Variants in DLGAP4 observed in about 807,000 individuals in gnomAD.
DLGAP4 encodes disks large-associated protein 4.
DLGAP4 carries 18 observed loss-of-function variants against 86.9 expected under a neutral mutation model. That is an observed-to-expected ratio of 0.21 (90% CI 0.14 to 0.31). The LOEUF is 0.31. Among genes scored for constraint, DLGAP4 ranks in the 10% least tolerant of loss-of-function variants. The pLI, the probability that DLGAP4 is intolerant of heterozygous loss-of-function variation, is 1.00. For synonymous variants in DLGAP4, 548 were observed against 574.3 expected (o/e 0.95, Z 0.65); for missense variants, 1,085 against 1,362.6 (o/e 0.80, Z 3.21).
In DLGAP4 at chr20:36,462,134, C is replaced by T. The variant is rs535774817; in HGVS notation, c.1648+15197C>T. 24 of 1,013,736 alleles carry T rather than the reference C, an allele frequency of 2.4e-5. No individual in the cohort carries two copies. In the East Asian group the frequency reaches 1.8e-3, roughly 75 times the overall value. 62.8% of individuals were successfully genotyped at this position (1,013,736 alleles called of 1,614,324 possible). A position where few individuals can be genotyped will look rare whatever the true frequency, so the allele number is the denominator to read the frequency against. On this transcript the variant is annotated intron_variant, in intron 7 of 12. Coordinates refer to ENST00000339266, the MANE Select transcript of DLGAP4 (RefSeq NM_001365621.2). ...GAACCCCCATTGCCCCTGGGCTTTCCCTCTTCTGGGTGTTCCCCATATCCA... is the reference window on the plus strand; with the variant it reads ...GAACCCCCATTGCCCCTGGGCTTTCTCTCTTCTGGGTGTTCCCCATATCCA...
chr20:36,318,106 T>TCACACACACA (rs1156543199), intron 1 of DLGAP4, among the ~76,000 whole-genome samples: 65 of 139,224 alleles, frequency 4.7e-4, no homozygotes, highest in African/African-American at 1.6e-3. Flanking sequence ...ATGTGTCCTC[T>TCACACACACA]CACACACACA....
intron 10 of DLGAP4, among the ~76,000 whole-genome samples, chr20:36,504,984 CA>C (rs1368216875): frequency 6.6e-6 from 1 of 151,046 alleles, no homozygotes; most frequent in African/African-American, 2.4e-5. Flanking sequence ...TTGATGCACA[CA>C]GGTTCTTTTT....
Position 36,351,395 on chromosome 20 carries a change from A to G in DLGAP4, c.-303-15650A>G, listed in dbSNP as rs76259743. 2.6e-4 allele frequency among the ~76,000 whole-genome samples: 40 copies of G among 152,118 alleles called. No individual in the cohort carries two copies. In the East Asian group the frequency reaches 7.7e-3, roughly 29 times the overall value. ...AGATCAGCGGCGGCATTCGATTCTC[A>G]TAGGAGCTCGAACCCTATTGTGAAC... On this transcript the variant is annotated intron_variant, in intron 1 of 12. Coordinates refer to ENST00000339266, the MANE Select transcript of DLGAP4 (RefSeq NM_001365621.2).
At chr20:36,404,270 G>T (rs2032247031) in intron 2 of DLGAP4, among the ~76,000 whole-genome samples, 1 of 152,170 alleles carries the variant, frequency 6.6e-6, no homozygotes, top group African/African-American at 2.4e-5. Context: ...GTAGGTCTAT[G>T]GTAGGGTGAA....
At chr20:36,464,810 A>G (rs2034267182) in intron 7 of DLGAP4, among the ~76,000 whole-genome samples, 2 of 152,054 alleles carry the variant, frequency 1.3e-5, no homozygotes, top group South Asian at 4.2e-4. Flanking sequence ...AGATTGCACC[A>G]TTGCACTCCA....
At chr20:36,348,025 A>G (rs1160502173) in intron 1 of DLGAP4, among the ~76,000 whole-genome samples, 1 of 152,080 alleles carries the variant, frequency 6.6e-6, no homozygotes, top group East Asian at 1.9e-4. Flanking sequence ...CACCCATCTT[A>G]TCCACATTCC....
intron 7 of DLGAP4, among the ~76,000 whole-genome samples, chr20:36,476,333 T>G (rs1363913666): frequency 7.3e-6 from 1 of 136,278 alleles, no homozygotes; most frequent in Non-Finnish European, 1.6e-5. Flanking sequence ...TTTTTTTTTT[T>G]TTTTTTTTTT....
chr20:36,377,658 C>T (rs2031210431), intron 2 of DLGAP4, among the ~76,000 whole-genome samples: 2 of 152,164 alleles, frequency 1.3e-5, no homozygotes, highest in Non-Finnish European at 2.9e-5. Flanking sequence ...TCTCTGTCTC[C>T]AGCTCCCCCT....
chr20:36,356,468 T>C (rs1569469600), intron 1 of DLGAP4, among the ~76,000 whole-genome samples: 1 of 152,130 alleles, frequency 6.6e-6, no homozygotes, highest in African/African-American at 2.4e-5. Context: ...GCTGCCACTA[T>C]GCCCAGCTAA....
chr20:36,517,844 A>G (rs1473662696), intron 10 of DLGAP4, among the ~76,000 whole-genome samples: 6 of 152,158 alleles, frequency 3.9e-5, no homozygotes, highest in African/African-American at 1.2e-4. Context: ...TTTCCTTTCT[A>G]TCCTTGTCCT....
At chr20:36,499,343 C>T (rs767038435) in intron 8 of DLGAP4, 1 of 1,609,590 alleles carries the variant, frequency 6.2e-7, no homozygotes, top group South Asian at 1.1e-5. Flanking sequence ...CAGTCATCTC[C>T]ACCCCATCCC....
In DLGAP4 at chr20:36,388,210, T is replaced by C. The variant is rs373007486; in HGVS notation, c.-73+20935T>C. 1.5e-4 allele frequency among the ~76,000 whole-genome samples: 23 copies of C among 152,320 alleles called. No homozygotes were observed. The East Asian group carries it at 1.7e-3, about 11-fold the overall frequency. Reference sequence around the variant, plus strand: ...CGTCCCCACTTCTTGATTCTTCCTTTGTATGTTCTCTTCGCACTCTGCTTT... The same window carrying C: ...CGTCCCCACTTCTTGATTCTTCCTTCGTATGTTCTCTTCGCACTCTGCTTT... On this transcript the variant is annotated intron_variant, in intron 2 of 12. Transcript: ENST00000339266.
intron 4 of DLGAP4, 133 bp downstream of exon 4, chr20:36,436,483 G>C: frequency 7.3e-7 from 1 of 1,376,336 alleles, no homozygotes; most frequent in Non-Finnish European, 9.5e-7. Flanking sequence ...TTTGAGCCAC[G>C]CCCACTCATG....
In DLGAP4 at chr20:36,474,688, G is replaced by A. The variant is rs972770256; in HGVS notation, c.1649-22017G>A. ...ACCCAGTAAAGGTAGGGCTGCCACC[G>A]TTGCTGCTGTCCCAGCAGTTTCTTT... On this transcript the variant is annotated intron_variant, in intron 7 of 12. Coordinates refer to ENST00000339266, the MANE Select transcript of DLGAP4 (RefSeq NM_001365621.2). Among the ~76,000 whole-genome samples, 3 of 152,008 alleles carry A rather than the reference G, an allele frequency of 2.0e-5. No individual in the cohort carries two copies. In the South Asian group the frequency reaches 6.2e-4, roughly 31 times the overall value.
chr20:36,456,147 G>A (rs190378855), intron 7 of DLGAP4, among the ~76,000 whole-genome samples: 3 of 152,122 alleles, frequency 2.0e-5, no homozygotes, highest in African/African-American at 7.2e-5. Flanking sequence ...CAACATGCAC[G>A]TGCGCACACA....
At chr20:36,316,920 G>A (rs979446832) in intron 1 of DLGAP4, among the ~76,000 whole-genome samples, 38 of 152,344 alleles carry the variant, frequency 2.5e-4, no homozygotes, top group African/African-American at 8.9e-4. Context: ...CCGGCTGCCT[G>A]TTTGGCTTGC....
chr20:36,497,770 C>A (rs1044857624), intron 8 of DLGAP4: 1 of 302,800 alleles, frequency 3.3e-6, no homozygotes, highest in Non-Finnish European at 4.9e-6. Context: ...GCCAGCTTCC[C>A]CTCCACTGCT....
chr20:36,496,683 C>T lies in DLGAP4; in HGVS notation c.1649-22C>T, dbSNP rs777427480. ...GCTTCACCATCTCACCTCTCCCCTGCCCTTCTCTCATCCATCTGCAGGTTC... is the reference window on the plus strand; with the variant it reads ...GCTTCACCATCTCACCTCTCCCCTGTCCTTCTCTCATCCATCTGCAGGTTC... On this transcript the variant is annotated intron_variant, in intron 7 of 12. Transcript: ENST00000339266. 8 of 1,586,288 alleles carry T rather than the reference C, an allele frequency of 5.0e-6. No individual in the cohort carries two copies. The Admixed American group carries it at 1.4e-4, about 27-fold the overall frequency.
rs2031839179 is a variant in DLGAP4 at position 36,393,132 on chromosome 20, T to TGAGA, written c.-73+25857_-73+25858insGAGA. 6.6e-6 allele frequency among the ~76,000 whole-genome samples: 1 copy of TGAGA among 151,874 alleles called. No individual in the cohort carries two copies. Among genetic ancestry groups the TGAGA allele is most frequent in the African/African-American group, 2.4e-5 (1 of 41,310 alleles). ...GAGGGGTTTGGTTTTGGTCAAGAGC[T>TGAGA]CAGGGGTGAGACTAGGGTGGGACTG... is the stretch of plus-strand genomic sequence containing the variant. On this transcript the variant is annotated intron_variant, in intron 2 of 12. Transcript: ENST00000339266. The surrounding 1 kb of genome is among the most constrained non-coding windows in gnomAD (Gnocchi z 4.4).
Sources: allele counts gnomAD v4.1 joint callset (sites outside exome capture counted in the v4.1 genomes callset), GRCh38; gene constraint gnomAD v4.1.1; non-coding constraint Gnocchi (gnomAD v3.1); transcripts MANE v1.5; gene names NCBI Gene and HGNC (gene_info 2026-07-23, HGNC 2026-07-21).